SRSF11: variants seen among roughly 807,000 people sequenced by gnomAD.
SRSF11 encodes the protein serine and arginine rich splicing factor 11.
SRSF11 carries 9 observed loss-of-function variants against 56.0 expected under a neutral mutation model. That is an observed-to-expected ratio of 0.16 (90% confidence interval 0.10 to 0.28). SRSF11 has a LOEUF of 0.28. SRSF11 is among the 10% of genes least tolerant of loss of function. SRSF11 has a pLI of 1.00. For missense variants in SRSF11, 421 were observed against 600.7 expected (o/e 0.70, Z 3.13); for synonymous variants, 222 against 215.3 (o/e 1.03, Z -0.27).
intron 2 of SRSF11, chr1:70,231,457 T>C: frequency 9.5e-7 from 1 of 1,053,676 alleles, no homozygotes; most frequent in Non-Finnish European, 1.1e-6. Flanking sequence ...TATGTCATTT[T>C]TGGCTTAAGG....
intron 2 of SRSF11, chr1:70,230,159 CTT>C: frequency 1.0e-6 from 1 of 984,076 alleles, no homozygotes; most frequent in Non-Finnish European, 1.2e-6. Flanking sequence ...ATATAAATGA[CTT>C]TCATAAATAT....
chr1:70,226,191 C>CAA (rs966796673), intron 1 of SRSF11, among the ~76,000 whole-genome samples: 1 of 135,564 alleles, frequency 7.4e-6, no homozygotes. Flanking sequence ...AACTCCATCT[C>CAA]AAAAAAAAAA....
chr1:70,236,686 C>G (rs1248307960), intron 5 of SRSF11, among the ~76,000 whole-genome samples: 1 of 151,494 alleles, frequency 6.6e-6, no homozygotes, highest in Non-Finnish European at 1.5e-5. Context: ...CCTTTCCACT[C>G]AAGACTTCAT....
intron 2 of SRSF11, chr1:70,229,551 G>T (rs777799807): frequency 4.1e-6 from 4 of 984,712 alleles, no homozygotes; most frequent in Non-Finnish European, 4.8e-6. Context: ...AATTTTACTC[G>T]AATCACTGAA....
In SRSF11 at chr1:70,252,678, T is replaced by G. The variant is rs1678116531; in HGVS notation, c.*1873T>G. ...AAGTTCAACACAAATGACATTTGTTTTAAACTTTAGTAGATAAAAGGTGAA... is the reference window on the plus strand; with the variant it reads ...AAGTTCAACACAAATGACATTTGTTGTAAACTTTAGTAGATAAAAGGTGAA... On this transcript the variant is annotated 3_prime_UTR_variant, in exon 12 of 12. Coordinates refer to ENST00000370949, the MANE Select transcript of SRSF11 (RefSeq NM_001350605.2). The G allele has an allele frequency of 6.6e-6, 1 of 152,318 alleles. No individual in the cohort carries two copies. Among genetic ancestry groups the G allele is most frequent in the Middle Eastern group, 3.4e-3 (1 of 292 alleles). 9.4% of individuals were successfully genotyped at this position (152,318 alleles called of 1,614,324 possible).
chr1:70,207,668 G>A (rs754186320), intron 1 of SRSF11, among the ~76,000 whole-genome samples: 2 of 150,286 alleles, frequency 1.3e-5, no homozygotes, highest in African/African-American at 2.5e-5. Context: ...TGAATTGCTC[G>A]AGTACAAAAT....
chr1:70,233,559 A>T (rs1673307840), intron 3 of SRSF11, among the ~76,000 whole-genome samples: 2 of 152,184 alleles, frequency 1.3e-5, no homozygotes, highest in African/African-American at 4.8e-5. Flanking sequence ...GTAATTTTCT[A>T]AATTCCTTTA....
At chr1:70,236,633 A>G (rs1282066477) in intron 5 of SRSF11, among the ~76,000 whole-genome samples, 2 of 151,108 alleles carry the variant, frequency 1.3e-5, no homozygotes, top group Admixed American at 6.6e-5. Flanking sequence ...CCCGGCCTAC[A>G]ATTTTTTTTT....
chr1:70,230,707 T>C (rs1672687058), intron 2 of SRSF11: 2 of 1,212,062 alleles, frequency 1.7e-6, no homozygotes, highest in Non-Finnish European at 2.1e-6. Flanking sequence ...GACTTTTTTT[T>C]TTTTAATGGA....
At chr1:70,215,349 C>A (rs1371127177) in intron 1 of SRSF11, among the ~76,000 whole-genome samples, 1 of 152,180 alleles carries the variant, frequency 6.6e-6, no homozygotes, top group Middle Eastern at 3.2e-3. Context: ...CAAATACATA[C>A]CATCTTCATT....
upstream of SRSF11, among the ~76,000 whole-genome samples, chr1:70,220,631 C>T (rs1439359940): frequency 7.9e-5 from 12 of 152,178 alleles, no homozygotes; most frequent in Admixed American, 3.9e-4. Context: ...GGGTGGATCA[C>T]CAGAGGTCAG....
rs1408178210 is a variant in SRSF11 at position 70,237,437 on chromosome 1, A to C, written c.603A>C (p.Val201=). Residue 201 remains valine, a synonymous_variant, in exon 6 of 12, where the codon GTA becomes GTC. Transcript: ENST00000370949. ...GGTTCTGTTTCAGGTTGAATCATGT[A>C]GCTGCTGGTCTCGTTTCACCAAGTC... ...MSTVDPKLNH[V]AAGLVSPSLK... 1 of 1,613,250 alleles carries C rather than the reference A, an allele frequency of 6.2e-7. No individual in the cohort carries two copies. The highest frequency in any genetic ancestry group is 8.5e-7 in the Non-Finnish European group (1 of 1,179,946).
chr1:70,243,336 CAAAAAAAAAAA>C (rs56098296), intron 7 of SRSF11, among the ~76,000 whole-genome samples: 7 of 32,592 alleles, frequency 2.1e-4, no homozygotes, highest in South Asian at 2.1e-3. Flanking sequence ...TGGTTGGTGG[CAAAAAAAAAAA>C]AAAAAAAAAA....
At chr1:70,236,523 G>A (rs575786803) in intron 5 of SRSF11, among the ~76,000 whole-genome samples, 53 of 151,564 alleles carry the variant, frequency 3.5e-4, no homozygotes, top group South Asian at 2.7e-3. Flanking sequence ...GTAGAGACGG[G>A]GTTTCACCGT....
chr1:70,211,449 A>G lies in SRSF11; in HGVS notation c.-26+5669A>G, dbSNP rs1422716861. On this transcript the variant is annotated intron_variant, in intron 1 of 12. Coordinates refer to the SRSF11 transcript ENST00000370950. ...TGTTTATGTAGCAAAGCTCGCCTAC[A>G]GTTTTAATAAGACATGATATGGTCC... is the stretch of plus-strand genomic sequence containing the variant. Among the ~76,000 whole-genome samples the G allele has an allele frequency of 3.3e-5, 5 of 152,332 alleles. No individual in the cohort carries two copies. In the East Asian group the frequency reaches 9.6e-4, roughly 29 times the overall value.
At chr1:70,226,698 T>G (rs1671862022) in intron 1 of SRSF11, among the ~76,000 whole-genome samples, 1 of 152,168 alleles carries the variant, frequency 6.6e-6, no homozygotes, top group Non-Finnish European at 1.5e-5. Flanking sequence ...GATGGAAACA[T>G]GGATGTCAGC....
upstream of SRSF11, among the ~76,000 whole-genome samples, chr1:70,219,136 A>G (rs1670281861): frequency 6.6e-6 from 1 of 152,230 alleles, no homozygotes; most frequent in Non-Finnish European, 1.5e-5. Flanking sequence ...ATCAGTGAAT[A>G]TAATGCAGAT....
intron 8 of SRSF11, 82 bp from the exon 9 acceptor site, chr1:70,246,736 T>G (rs1352708830): frequency 4.2e-5 from 33 of 780,642 alleles, no homozygotes; most frequent in Non-Finnish European, 3.4e-5. Flanking sequence ...TAGATCTGAT[T>G]ATATTTTTGT....
intron 4 of SRSF11, 124 bp from the exon 5 acceptor site, chr1:70,235,377 T>A: frequency 2.5e-6 from 2 of 787,256 alleles, no homozygotes; most frequent in Non-Finnish European, 4.0e-6. Flanking sequence ...ATGTGGCTAC[T>A]AAAAAATTTA....
Sources: allele counts gnomAD v4.1 joint callset (sites outside exome capture counted in the v4.1 genomes callset), GRCh38; gene constraint gnomAD v4.1.1; transcripts MANE v1.5; gene names NCBI Gene and HGNC (gene_info 2026-07-23, HGNC 2026-07-21).